Variants in PSD3 observed in about 807,000 individuals in gnomAD.
PSD3 encodes the protein PH and SEC7 domain-containing protein 3.
A neutral mutation model predicts 105.5 loss-of-function variants in PSD3; 49 were observed. That is an observed-to-expected ratio of 0.46 (90% CI 0.37 to 0.59). The LOEUF (loss-of-function observed/expected upper bound fraction) is 0.59. PSD3 is among the 20% of genes least tolerant of loss of function. The probability of loss-of-function intolerance (pLI) is 0.00; values close to 1 mark genes in which losing one functional copy is unlikely to be tolerated. For synonymous variants in PSD3, 557 were observed against 457.8 expected, an observed-to-expected ratio of 1.22 and a Z score of -2.77; for missense variants, 1,561 against 1,263.8, an observed-to-expected ratio of 1.24 and a Z score of -3.57.
chr8:18,771,165 G>T lies in PSD3; in HGVS notation c.2083-5627C>A, dbSNP rs1807488683. ...TGGGGCTTTTATGGGCACAGGAATG[G>T]GGGGCAGAGCAGGCCATGGGTGGTT... On this transcript the variant is annotated intron_variant, in intron 8 of 15. Coordinates refer to ENST00000327040, the MANE Select transcript of PSD3 (RefSeq NM_015310.4). Among the ~76,000 whole-genome samples, 4 of 152,172 alleles carry T rather than the reference G, an allele frequency of 2.6e-5. No individual in the cohort carries two copies. The South Asian group carries it at 8.3e-4, about 31-fold the overall frequency.
exon 1 of PSD3, chr8:19,084,722 C>T (rs958993129): frequency 2.9e-5 from 9 of 307,220 alleles, no homozygotes; most frequent in African/African-American, 8.7e-5. Flanking sequence ...CTGATTCCTC[C>T]GTCTCAGGGC....
intron 1 of PSD3, among the ~76,000 whole-genome samples, chr8:19,050,627 A>G (rs1828495756): frequency 6.6e-6 from 1 of 152,210 alleles, no homozygotes; most frequent in African/African-American, 2.4e-5. Context: ...ATAGGTGGGA[A>G]GTGAACAATG....
chr8:18,846,536 G>A (rs144991317), intron 4 of PSD3, among the ~76,000 whole-genome samples: 1 of 152,316 alleles, frequency 6.6e-6, no homozygotes, highest in African/African-American at 2.4e-5. Context: ...GAATGTCTCT[G>A]GGAGGTTGTA....
At chr8:18,773,091 C>A (rs1353672602) in intron 8 of PSD3, among the ~76,000 whole-genome samples, 1 of 152,102 alleles carries the variant, frequency 6.6e-6, no homozygotes, top group Non-Finnish European at 1.5e-5. Context: ...AAATTGCCGG[C>A]ACATACAATA....
At chr8:19,018,583 G>T (rs550479112), upstream of PSD3, among the ~76,000 whole-genome samples, 1 of 152,326 alleles carries the variant, frequency 6.6e-6, no homozygotes, top group South Asian at 2.1e-4. Context: ...GAGATATGTA[G>T]ATGTGTGTGT....
At chr8:18,918,210 A>C (rs1385593010) in intron 2 of PSD3, among the ~76,000 whole-genome samples, 2 of 152,218 alleles carry the variant, frequency 1.3e-5, no homozygotes, top group Admixed American at 6.5e-5. Context: ...TGCTCTGACC[A>C]AGCCATGGTC....
chr8:18,886,465 C>T (rs1458155436), intron 2 of PSD3, among the ~76,000 whole-genome samples: 2 of 152,130 alleles, frequency 1.3e-5, no homozygotes, highest in Non-Finnish European at 2.9e-5. Context: ...CCCCAGGGGT[C>T]TCCTACTGGG....
chr8:18,752,652 ATATAT>A (rs1378702965), intron 9 of PSD3, among the ~76,000 whole-genome samples: 32 of 101,256 alleles, frequency 3.2e-4, no homozygotes, highest in African/African-American at 1.0e-3. Context: ...AATATATATA[ATATAT>A]TATATTTGAT....
rs536294338 is a variant in PSD3 at position 19,048,255 on chromosome 8, C to T, written c.324+35951G>A. Among the ~76,000 whole-genome samples, 20 of 152,194 alleles carry T rather than the reference C, an allele frequency of 1.3e-4. No homozygotes were observed. The South Asian group carries it at 4.2e-3, about 32-fold the overall frequency. On this transcript the variant is annotated intron_variant, in intron 1 of 1. Coordinates refer to the PSD3 transcript ENST00000521475. ...GCTCTTTAAAGAGAGGTGGCCCCAC[C>T]CTCTCCCACAGGCTGCAGAGTCCTG...
intron 9 of PSD3, among the ~76,000 whole-genome samples, chr8:18,752,500 T>TG (rs1805587142): frequency 9.5e-5 from 2 of 21,012 alleles, no homozygotes; most frequent in Non-Finnish European, 3.3e-4. Context: ...ATAATATATA[T>TG]AATATATATA....
chr8:18,933,784 C>T (rs1247697766), intron 2 of PSD3, among the ~76,000 whole-genome samples: 1 of 152,048 alleles, frequency 6.6e-6, no homozygotes, highest in Admixed American at 6.6e-5. Context: ...AAAGAGTTTT[C>T]AAAAGTCTGG....
chr8:18,777,002 A>T lies in PSD3; in HGVS notation c.2083-11464T>A, dbSNP rs75500121. On this transcript the variant is annotated intron_variant, in intron 8 of 15. Coordinates refer to ENST00000327040, the MANE Select transcript of PSD3 (RefSeq NM_015310.4). ...TCTTTTTTTGTTTCTGATTTTATTG[A>T]TTTTGGTCTTTTTTCTTAGACTAGC... is the stretch of plus-strand genomic sequence containing the variant. Among the ~76,000 whole-genome samples the T allele has an allele frequency of 4.8e-3, 721 of 151,242 alleles. 23 individuals carry two copies. Among genetic ancestry groups the T allele is most frequent in the Admixed American group, 0.035 (534 of 15,196 alleles).
chr8:18,692,777 T>C (rs1203720596), intron 9 of PSD3, among the ~76,000 whole-genome samples: 1 of 152,214 alleles, frequency 6.6e-6, no homozygotes, highest in Non-Finnish European at 1.5e-5. Flanking sequence ...TCGGCCTTTA[T>C]ATTCAAAAGG....
chr8:18,664,153 A>G (rs983077617), intron 9 of PSD3, among the ~76,000 whole-genome samples: 4 of 152,242 alleles, frequency 2.6e-5, no homozygotes, highest in African/African-American at 4.8e-5. Context: ...AGTAAAAGGA[A>G]GAGTTGCATG....
intron 1 of PSD3, among the ~76,000 whole-genome samples, chr8:19,056,643 C>G (rs1828718183): frequency 6.6e-6 from 1 of 152,174 alleles, no homozygotes; most frequent in African/African-American, 2.4e-5. Context: ...AGTTTGGCTC[C>G]TTCATCAACT....
intron 2 of PSD3, among the ~76,000 whole-genome samples, chr8:18,907,597 AT>A (rs1819929718): frequency 6.6e-6 from 1 of 152,238 alleles, no homozygotes; most frequent in Admixed American, 6.5e-5. Flanking sequence ...GTTGCACAGG[AT>A]TAGAGCCTAG....
intron 9 of PSD3, among the ~76,000 whole-genome samples, chr8:18,720,225 A>G (rs572182624): frequency 6.6e-6 from 1 of 152,232 alleles, no homozygotes; most frequent in Non-Finnish European, 1.5e-5. Context: ...TGAATCCAAA[A>G]ACATAACCAT....
intron 2 of PSD3, among the ~76,000 whole-genome samples, chr8:18,888,940 C>T (rs1035647194): frequency 6.6e-6 from 1 of 152,080 alleles, no homozygotes. Context: ...TGTGAGCATC[C>T]CATAAGCTAG....
At chr8:18,781,521 T>C (rs552845897) in intron 8 of PSD3, among the ~76,000 whole-genome samples, 59 of 152,326 alleles carry the variant, frequency 3.9e-4, no homozygotes, top group African/African-American at 1.1e-3. Context: ...TAGGGTTGTA[T>C]AGACTTTTCC....
Sources: allele counts gnomAD v4.1 joint callset (sites outside exome capture counted in the v4.1 genomes callset), GRCh38; gene constraint gnomAD v4.1.1; transcripts MANE v1.5; gene names NCBI Gene and HGNC (gene_info 2026-07-23, HGNC 2026-07-21).